The following STAM variants were observed in gnomAD, a reference collection of about 807,000 sequenced individuals.
The protein encoded by STAM is signal transducing adaptor molecule.
Under a neutral mutation model 63.4 loss-of-function variants are expected in STAM, and 16 were observed. The observed-to-expected ratio is 0.25, with a 90% CI of 0.17 to 0.38. The LOEUF (loss-of-function observed/expected upper bound fraction) is 0.38, where lower values mean the gene tolerates loss of function less well. STAM is among the 10% of genes least tolerant of loss of function. The probability of loss-of-function intolerance (pLI) is 1.00; values close to 1 mark genes in which losing one functional copy is unlikely to be tolerated. For missense variants in STAM, 636 were observed against 657.1 expected (o/e 0.97, Z 0.35); for synonymous variants, 238 against 223.9 (o/e 1.06, Z -0.56).
At chr10:17,709,586 C>T (rs921425672) in intron 13 of STAM, among the ~76,000 whole-genome samples, 2 of 152,092 alleles carry the variant, frequency 1.3e-5, no homozygotes, top group Non-Finnish European at 2.9e-5. Context: ...TTTAATGGGA[C>T]TCTGAGCTGA....
intron 2 of STAM, among the ~76,000 whole-genome samples, chr10:17,675,347 T>TA (rs1834804387): frequency 6.6e-6 from 1 of 151,854 alleles, no homozygotes; most frequent in Admixed American, 6.6e-5. Context: ...CCACTAAAAA[T>TA]AAAAAAATCA....
chr10:17,663,774 G>A (rs1385658009), intron 2 of STAM, among the ~76,000 whole-genome samples: 1 of 152,012 alleles, frequency 6.6e-6, no homozygotes, highest in African/African-American at 2.4e-5. Context: ...TTAAAAAAAT[G>A]TCAGGCCTTC....
chr10:17,685,097 C>T (rs1554825920), intron 4 of STAM, among the ~76,000 whole-genome samples, 170 bp downstream of exon 4: 1 of 152,114 alleles, frequency 6.6e-6, no homozygotes, highest in African/African-American at 2.4e-5. Context: ...ACTGCGGATT[C>T]ATGTAACTTT....
intron 2 of STAM, among the ~76,000 whole-genome samples, chr10:17,677,697 T>C (rs1834911033): frequency 6.6e-6 from 1 of 152,204 alleles, no homozygotes; most frequent in Non-Finnish European, 1.5e-5. Context: ...ATTAAAAAAA[T>C]TGAATGCTTG....
intron 1 of STAM, among the ~76,000 whole-genome samples, chr10:17,650,201 G>T (rs1833682511): frequency 6.6e-6 from 1 of 152,138 alleles, no homozygotes; most frequent in Non-Finnish European, 1.5e-5. Flanking sequence ...CTTGGGCTTT[G>T]GGCTTAAATT....
rs756606401 is a variant in STAM, at chr10:17,646,817, CTT to C, written c.40+2439_40+2440del. On this transcript the variant is annotated intron_variant, in intron 1 of 13. Transcript: ENST00000377524. ...TATAGAATACAGTGTATAGAATACACTTAACAATTTTTTCTTTCACCATATCT... is the reference window on the plus strand; with the variant it reads ...TATAGAATACAGTGTATAGAATACACAACAATTTTTTCTTTCACCATATCT... 1.8e-3 allele frequency among the ~76,000 whole-genome samples: 274 copies of C among 152,284 alleles called. 1 individual carries two copies. Among genetic ancestry groups the C allele is most frequent in the Non-Finnish European group, 3.0e-3 (206 of 68,012 alleles).
chr10:17,702,728 G>A (rs1836053907), intron 9 of STAM, among the ~76,000 whole-genome samples: 2 of 152,144 alleles, frequency 1.3e-5, no homozygotes, highest in Non-Finnish European at 2.9e-5. Flanking sequence ...AGAAAATGCT[G>A]GCCAGGCGCA....
At chr10:17,671,423 T>C (rs1209469874) in intron 2 of STAM, among the ~76,000 whole-genome samples, 1 of 152,248 alleles carries the variant, frequency 6.6e-6, no homozygotes, top group African/African-American at 2.4e-5. Context: ...ATTAACATTC[T>C]GATAAGGAGG....
At chr10:17,652,263 GTTC>G (rs2131562494) in intron 1 of STAM, among the ~76,000 whole-genome samples, 1 of 151,980 alleles carries the variant, frequency 6.6e-6, no homozygotes, top group Admixed American at 6.5e-5. Context: ...AAAAATACTT[GTTC>G]TTTTATAACT....
At chr10:17,691,389 G>A (rs1321581291) in intron 5 of STAM, among the ~76,000 whole-genome samples, 1 of 152,100 alleles carries the variant, frequency 6.6e-6, no homozygotes, top group Admixed American at 6.5e-5. Context: ...GTAGTGGCAG[G>A]TGCCTGTAGT....
At chr10:17,674,487 T>A (rs1564543892) in intron 2 of STAM, among the ~76,000 whole-genome samples, 1 of 152,168 alleles carries the variant, frequency 6.6e-6, no homozygotes, top group Non-Finnish European at 1.5e-5. Flanking sequence ...ACCTGGGACC[T>A]CACCTGGCTA....
chr10:17,658,244 T>C (rs1554822423), intron 1 of STAM, among the ~76,000 whole-genome samples: 1 of 152,170 alleles, frequency 6.6e-6, no homozygotes, highest in African/African-American at 2.4e-5. Flanking sequence ...CCATGTACTT[T>C]GGGATTTTCC....
chr10:17,693,298 A>C lies in STAM; in HGVS notation c.521A>C (p.Glu174Ala). The change falls in exon 6 of 14, where the codon GAA (glutamate) becomes GCA (alanine). Residue 174 changes from glutamate (E) to alanine (A), a missense_variant. By Grantham distance (107) the Glu-to-Ala change is moderately radical (BLOSUM62 -1). Around this residue, in one of 3 missense-constraint regions of STAM, gnomAD observed 532 missense variants for 536.9 expected, o/e 0.99. Coordinates refer to ENST00000377524, the MANE Select transcript of STAM (RefSeq NM_003473.4). ...ACTGTGGCTAACAAAAAAGAAGAAG[A>C]AGATTTAGCAAAAGGTGCGTTTTTA... The part of the protein sequence containing the change: ...PGTVANKKEE[E>A]DLAKAIELSL... 6.2e-7 allele frequency: 1 copy of C among 1,611,298 alleles called. No individual in the cohort carries two copies. Among genetic ancestry groups the C allele is most frequent in the Non-Finnish European group, 8.5e-7 (1 of 1,179,766 alleles).
At chr10:17,675,887 G>A (rs1181994164) in intron 2 of STAM, among the ~76,000 whole-genome samples, 4 of 151,872 alleles carry the variant, frequency 2.6e-5, no homozygotes, top group African/African-American at 7.3e-5. Context: ...CCAAAGGGCC[G>A]GTATCCTTTT....
At chr10:17,685,001 C>T (rs1469068175) in intron 4 of STAM, 74 bp downstream of exon 4, 2 of 1,228,494 alleles carry the variant, frequency 1.6e-6, no homozygotes, top group East Asian at 2.4e-5. Context: ...TAAATCTTCA[C>T]AGAGGACTAT....
chr10:17,688,628 ATT>A (rs34935247), intron 5 of STAM, among the ~76,000 whole-genome samples: 4 of 144,128 alleles, frequency 2.8e-5, no homozygotes, highest in East Asian at 2.0e-4. Flanking sequence ...AGACCTGGAA[ATT>A]TTTTTTTTTT....
At chr10:17,696,693 T>C in intron 7 of STAM, 82 bp from the exon 8 acceptor site, 1 of 969,658 alleles carries the variant, frequency 1.0e-6, no homozygotes, top group Non-Finnish European at 1.6e-6. Flanking sequence ...TGTAATAGTG[T>C]AAGTTGAATA....
intron 9 of STAM, among the ~76,000 whole-genome samples, chr10:17,702,346 A>G: frequency 6.6e-6 from 1 of 152,190 alleles, no homozygotes; most frequent in East Asian, 1.9e-4. Flanking sequence ...GAAATTGAGT[A>G]GAAATATGAT....
Position 17,705,579 on chromosome 10 carries a change from A to G in STAM, c.1056-9A>G, listed in dbSNP as rs1554829121. On this transcript the variant is annotated splice_polypyrimidine_tract_variant and intron_variant, in intron 11 of 13. Transcript: ENST00000377524. ...CAGCTATGCTTCAAATTATTGTGTC[A>G]TGTTTCAGAAAACATTCAGAACTCT... The G allele has an allele frequency of 7.5e-6, 12 of 1,608,900 alleles. No individual in the cohort carries two copies. Among genetic ancestry groups the G allele is most frequent in the Middle Eastern group, 1.7e-4 (1 of 6,016 alleles).
Sources: allele counts gnomAD v4.1 joint callset (sites outside exome capture counted in the v4.1 genomes callset), GRCh38; gene constraint gnomAD v4.1.1; regional missense constraint gnomAD v4.1.1; transcripts MANE v1.5; gene names NCBI Gene and HGNC (gene_info 2026-07-23, HGNC 2026-07-21).